The following PTPN13 variants were observed in gnomAD, a reference collection of about 807,000 sequenced individuals.
PTPN13 encodes protein tyrosine phosphatase non-receptor type 13, also known as tyrosine-protein phosphatase non-receptor type 13.
PTPN13 carries 191 observed loss-of-function variants against 284.0 expected under a neutral mutation model. That is an observed-to-expected ratio of 0.67 (90% confidence interval 0.60 to 0.76). PTPN13 has a LOEUF of 0.76. Among genes scored for constraint, PTPN13 ranks in the 30% least tolerant of loss-of-function variants. The pLI is 0.00. For missense variants in PTPN13, 2,797 were observed against 2,939.9 expected (o/e 0.95, Z 1.12); for synonymous variants, 986 against 1,022.3 (o/e 0.96, Z 0.68).
chr4:86,780,806 C>CA (rs1741214101), intron 36 of PTPN13, among the ~76,000 whole-genome samples: 1 of 151,692 alleles, frequency 6.6e-6, no homozygotes, highest in Non-Finnish European at 1.5e-5. Flanking sequence ...TTGATACAAG[C>CA]AAAAAAATAA....
At position 86,814,674 on chromosome 4, in the gene PTPN13, C is replaced by G; in HGVS notation, c.*123C>G. 6.3e-6 allele frequency: 4 copies of G among 637,720 alleles called. No individual in the cohort carries two copies. The highest frequency in any genetic ancestry group is 1.1e-5 in the Non-Finnish European group (4 of 367,684). 39.5% of individuals were successfully genotyped at this position (637,720 alleles called of 1,614,324 possible). ...ATACAACATGCATGTTCTCCTCTAT[C>G]TTAGAGGGGTATTCTTCTTGAAAAT... On this transcript the variant is annotated 3_prime_UTR_variant, in exon 48 of 48. Coordinates refer to ENST00000411767, the MANE Select transcript of PTPN13 (RefSeq NM_080683.3).
Position 86,720,466 on chromosome 4 carries a change from G to A in PTPN13, c.1386-1746G>A, listed in dbSNP as rs187858936. ...GCATCTGAGTTAGATATAGGTTTAG[G>A]TGAAAGAAAAATATTTCAGGAAGTA... On this transcript the variant is annotated intron_variant, in intron 9 of 47. Transcript: ENST00000411767. 3.2e-3 allele frequency among the ~76,000 whole-genome samples: 492 copies of A among 152,210 alleles called. 2 individuals are homozygous for A. The highest frequency in any genetic ancestry group is 4.9e-3 in the Non-Finnish European group (332 of 67,992).
intron 2 of PTPN13, among the ~76,000 whole-genome samples, chr4:86,643,907 GA>G (rs1226867917): frequency 6.6e-6 from 1 of 151,938 alleles, no homozygotes; most frequent in Non-Finnish European, 1.5e-5. Context: ...TTTAAAAATT[GA>G]TAACACTCTT....
intron 30 of PTPN13, 98 bp downstream of exon 30, chr4:86,770,297 G>C: frequency 8.9e-7 from 1 of 1,117,354 alleles, no homozygotes; most frequent in Non-Finnish European, 1.3e-6. Flanking sequence ...GTTCTCCTGG[G>C]TTTCATACCT....
Position 86,668,272 on chromosome 4 carries a change from G to A in PTPN13, c.116-4093G>A, listed in dbSNP as rs747138533. ...GAATCTCATTTTTAAATATTCTTTT[G>A]TTAGCATTTTTTTGAAGGATTTTAA... is the stretch of plus-strand genomic sequence containing the variant. On this transcript the variant is annotated intron_variant, in intron 2 of 47. Transcript: ENST00000411767. Among the ~76,000 whole-genome samples, 6 of 152,188 alleles carry A rather than the reference G, an allele frequency of 3.9e-5. No homozygotes were observed. The East Asian group carries it at 1.2e-3, about 29-fold the overall frequency.
In PTPN13 at chr4:86,743,206, T is replaced by G. The variant is rs1213327538; in HGVS notation, c.2487+1390T>G. On this transcript the variant is annotated intron_variant, in intron 16 of 47. Transcript: ENST00000411767. ...ATATTCTTTGTATGTGTTTCAAGAC[T>G]ATACATCTTTCTTAGATATTAAATC... Among the ~76,000 whole-genome samples the G allele has an allele frequency of 2.0e-5, 3 of 152,192 alleles. No homozygotes were observed. In the South Asian group the frequency reaches 6.2e-4, roughly 32 times the overall value.
intron 40 of PTPN13, among the ~76,000 whole-genome samples, chr4:86,787,777 A>G (rs919793126): frequency 6.6e-6 from 1 of 152,170 alleles, no homozygotes; most frequent in Non-Finnish European, 1.5e-5. Context: ...CTTAACAATC[A>G]TTACCCTCTT....
At chr4:86,680,343 C>CTA (rs1565307849) in intron 3 of PTPN13, among the ~76,000 whole-genome samples, 96 of 142,524 alleles carry the variant, frequency 6.7e-4, no homozygotes, top group Non-Finnish European at 1.2e-3. Context: ...TCCTTTCTAT[C>CTA]TATCTCTATC....
chr4:86,803,735 C>T lies in PTPN13; in HGVS notation c.6532C>T (p.Leu2178Phe), dbSNP rs199596899. ...TCATTCCTTTCTGACAAACGATGAGCTCGCTGTACTCCCTGTCGTCAAAGT... is the reference window on the plus strand; with the variant it reads ...TCATTCCTTTCTGACAAACGATGAGTTCGCTGTACTCCCTGTCGTCAAAGT... ...KDHSFLTNDE[L>F]AVLPVVKVLP... Residue 2178 changes from leucine (L) to phenylalanine (F), a missense_variant, in exon 43 of 48, where the codon CTC becomes TTC. Coordinates refer to ENST00000411767, the MANE Select transcript of PTPN13 (RefSeq NM_080683.3). 7.4e-6 allele frequency: 12 copies of T among 1,613,742 alleles called. 1 individual carries two copies. The East Asian group carries it at 2.7e-4, about 36-fold the overall frequency.
At chr4:86,702,890 C>T in intron 7 of PTPN13, among the ~76,000 whole-genome samples, 2 of 151,954 alleles carry the variant, frequency 1.3e-5, no homozygotes, top group Admixed American at 6.6e-5. Context: ...AATTAAGGAT[C>T]ATATTTATTT....
intron 6 of PTPN13, among the ~76,000 whole-genome samples, chr4:86,695,914 A>G (rs532016376): frequency 6.6e-6 from 1 of 152,146 alleles, no homozygotes; most frequent in Admixed American, 6.5e-5. Flanking sequence ...TTATTTATGT[A>G]TATATGACTT....
In PTPN13 at chr4:86,680,380, T is replaced by TCTATCTAC. The variant is rs1554306674; in HGVS notation, c.295-6323_295-6322insCCTATCTA. Reference sequence around the variant, plus strand: ...ATCTATCTATCTATCTATCTATCTATCTATCTATCTATCTATCTATCTCTA... The same window carrying TCTATCTAC: ...ATCTATCTATCTATCTATCTATCTATCTATCTACCTATCTATCTATCTATCTATCTCTA... On this transcript the variant is annotated intron_variant, in intron 3 of 47. Coordinates refer to ENST00000411767, the MANE Select transcript of PTPN13 (RefSeq NM_080683.3). Among the ~76,000 whole-genome samples, 318 of 151,836 alleles carry TCTATCTAC rather than the reference T, an allele frequency of 2.1e-3. 1 individual carries two copies. The highest frequency in any genetic ancestry group is 3.1e-3 in the Non-Finnish European group (209 of 67,938).
At chr4:86,688,849 A>G (rs1274132884) in intron 4 of PTPN13, among the ~76,000 whole-genome samples, 156 bp from the exon 5 acceptor site, 1 of 152,178 alleles carries the variant, frequency 6.6e-6, no homozygotes, top group Non-Finnish European at 1.5e-5. Context: ...AAGGTAAAAC[A>G]CAGTAAAATG....
rs1241512635 is a variant in PTPN13, at chr4:86,807,561, T to C, written c.6747T>C (p.Tyr2249=). 6.3e-7 allele frequency: 1 copy of C among 1,597,104 alleles called. No individual in the cohort carries two copies. The highest frequency in any genetic ancestry group is 8.6e-7 in the Non-Finnish European group (1 of 1,169,482). Residue 2249 remains tyrosine, a splice_region_variant and synonymous_variant, in exon 45 of 48, where the codon TAT becomes TAC. Transcript: ENST00000411767. ...RKNRYKNILP[Y]DATRVPLGDE... is the part of the protein sequence containing the mutation. ...TGTTTTGTGGTGGAAAATTCACAGA[T>C]GATGCTACAAGAGTGCCTCTTGGAG...
intron 15 of PTPN13, among the ~76,000 whole-genome samples, chr4:86,737,854 A>G (rs1735705465): frequency 1.3e-5 from 2 of 151,988 alleles, no homozygotes; most frequent in African/African-American, 4.8e-5. Context: ...TCAGCCTCTC[A>G]AGTAGCTGGG....
At chr4:86,694,306 C>A (rs976819017) in intron 6 of PTPN13, among the ~76,000 whole-genome samples, 1 of 151,482 alleles carries the variant, frequency 6.6e-6, no homozygotes, top group Non-Finnish European at 1.5e-5. Flanking sequence ...TCAGGCCAGG[C>A]GTGGTGGCTC....
At chr4:86,757,066 TAAG>T (rs1738066513) in intron 20 of PTPN13, among the ~76,000 whole-genome samples, 1 of 152,176 alleles carries the variant, frequency 6.6e-6, no homozygotes, top group East Asian at 1.9e-4. Flanking sequence ...TAATTGATGT[TAAG>T]AAGTGTGTGT....
chr4:86,788,089 G>A (rs1197865689), intron 40 of PTPN13, among the ~76,000 whole-genome samples: 1 of 152,016 alleles, frequency 6.6e-6, no homozygotes, highest in East Asian at 1.9e-4. Flanking sequence ...AGAAAATGAG[G>A]GAACAAATTT....
At chr4:86,614,880 A>G (rs1026470631) in intron 1 of PTPN13, among the ~76,000 whole-genome samples, 4 of 152,162 alleles carry the variant, frequency 2.6e-5, no homozygotes, top group Admixed American at 2.6e-4. Flanking sequence ...GAATTAAGAA[A>G]AAAACCTGGT....
Sources: gnomAD v4.1 joint callset for allele counts (sites outside exome capture counted in the v4.1 genomes callset) on GRCh38, gnomAD v4.1.1 for gene constraint, MANE v1.5 for transcripts, NCBI Gene and HGNC (gene_info 2026-07-23, HGNC 2026-07-21) for gene names.